ZNF236: variants seen among roughly 807,000 people sequenced by gnomAD.
ZNF236 encodes regulated by glucose.
In ZNF236, 50 loss-of-function variants were observed where a neutral mutation model predicts 191.2. That is an observed-to-expected ratio of 0.26 (90% CI 0.21 to 0.33). The LOEUF is 0.33. Ranked by LOEUF, ZNF236 falls within the 10% of genes least tolerant of loss-of-function variation. The pLI is 1.00. For synonymous variants in ZNF236, 907 were observed against 928.8 expected, an observed-to-expected ratio of 0.98 and a Z score of 0.43; for missense variants, 1,754 against 2,374.5, an observed-to-expected ratio of 0.74 and a Z score of 5.43.
intron 21 of ZNF236, among the ~76,000 whole-genome samples, chr18:76,924,122 G>A (rs1444737642): frequency 4.6e-5 from 7 of 152,146 alleles, no homozygotes; most frequent in African/African-American, 1.7e-4. Flanking sequence ...TTGTTTATAT[G>A]ACTGTCCTGT....
At chr18:76,896,583 CAA>C (rs1162291262) in intron 10 of ZNF236, among the ~76,000 whole-genome samples, 1 of 151,604 alleles carries the variant, frequency 6.6e-6, no homozygotes. Flanking sequence ...GTACTGCACA[CAA>C]GTACTGCACA....
chr18:76,968,059 C>T (rs1488597014), intron 30 of ZNF236, among the ~76,000 whole-genome samples, 156 bp from the exon 31 acceptor site: 1 of 152,198 alleles, frequency 6.6e-6, no homozygotes, highest in East Asian at 1.9e-4. Context: ...AGGTGTTTCA[C>T]CTGCAGCTCA....
At chr18:76,920,523 C>G (rs561315429) in intron 20 of ZNF236, among the ~76,000 whole-genome samples, 29 of 148,062 alleles carry the variant, frequency 2.0e-4, no homozygotes, top group African/African-American at 7.3e-4. Context: ...TGCACTCCAG[C>G]CTGGGCAACA....
rs561409276 is a variant in ZNF236, at chr18:76,895,158, C to T, written c.1563C>T (p.Phe521=). Residue 521 remains phenylalanine (F), a synonymous_variant, in exon 10 of 31, where the codon TTC becomes TTT. Transcript: ENST00000320610. ...PFKCPQCFRA[F]AVKSTLTAHI... ...AGTGCCCGCAGTGCTTCCGCGCCTT[C>T]GCCGTGAAGAGCACGCTGACAGCGC... The T allele has an allele frequency of 9.9e-6, 16 of 1,608,428 alleles. No individual in the cohort carries two copies. Among genetic ancestry groups the T allele is most frequent in the South Asian group, 4.4e-5 (4 of 91,086 alleles).
intron 5 of ZNF236, among the ~76,000 whole-genome samples, chr18:76,873,979 C>T (rs1392009879): frequency 6.8e-6 from 1 of 147,202 alleles, no homozygotes; most frequent in African/African-American, 2.5e-5. Flanking sequence ...TGTCGCCACA[C>T]AGGCAGTGCT....
chr18:76,913,956 A>T (rs1419422490), intron 18 of ZNF236, 58 bp downstream of exon 18: 1 of 1,568,006 alleles, frequency 6.4e-7, no homozygotes, highest in Non-Finnish European at 8.8e-7. Flanking sequence ...CTTTATTGAG[A>T]TATAATCCAT....
intron 3 of ZNF236, among the ~76,000 whole-genome samples, chr18:76,863,716 C>A (rs1005110051): frequency 3.3e-5 from 5 of 151,988 alleles, no homozygotes; most frequent in Non-Finnish European, 7.4e-5. Context: ...TGTGAGCAAC[C>A]ATGCCTGGCT....
chr18:76,862,030 G>GT (rs1385104346), intron 3 of ZNF236, among the ~76,000 whole-genome samples: 2 of 151,994 alleles, frequency 1.3e-5, no homozygotes, highest in Non-Finnish European at 2.9e-5. Context: ...CGCCCGGCTA[G>GT]TTTTTTGTAT....
At chr18:76,859,353 G>C (rs140548721) in intron 3 of ZNF236, among the ~76,000 whole-genome samples, 3 of 152,216 alleles carry the variant, frequency 2.0e-5, no homozygotes, top group African/African-American at 7.2e-5. Flanking sequence ...TCCTCAGACT[G>C]TGCTTTCTTA....
At chr18:76,834,813 G>A (rs1287197407) in intron 1 of ZNF236, 2 of 472,466 alleles carry the variant, frequency 4.2e-6, no homozygotes, top group Non-Finnish European at 8.4e-6. Flanking sequence ...ATCTTCCTGC[G>A]AATGTGGGAA....
At position 76,954,932 on chromosome 18, in the gene ZNF236, A is replaced by C. The variant is rs1968486943; in HGVS notation, c.4915-1053A>C. 3.9e-5 allele frequency among the ~76,000 whole-genome samples: 6 copies of C among 152,278 alleles called. No individual in the cohort carries two copies. The South Asian group carries it at 1.0e-3, about 26-fold the overall frequency. ...ATTAATAATATAGCACCCTGTATAA[A>C]TCTTTTTTGTTGTTTAAGTATTTTT... On this transcript the variant is annotated intron_variant, in intron 27 of 30. Coordinates refer to ENST00000320610, the MANE Select transcript of ZNF236 (RefSeq NM_001306089.2).
intron 9 of ZNF236, among the ~76,000 whole-genome samples, chr18:76,894,428 A>C (rs1206819750): frequency 6.6e-6 from 1 of 152,118 alleles, no homozygotes; most frequent in African/African-American, 2.4e-5. Context: ...TACTTACTAT[A>C]TTTCCATCAA....
chr18:76,830,523 CTTA>C (rs1273894692), intron 1 of ZNF236, among the ~76,000 whole-genome samples: 1 of 152,102 alleles, frequency 6.6e-6, no homozygotes, highest in Non-Finnish European at 1.5e-5. Context: ...CTCGGTAGCA[CTTA>C]TTATTGCCTC....
At chr18:76,916,002 C>A in intron 19 of ZNF236, 143 bp downstream of exon 19, 1 of 736,490 alleles carries the variant, frequency 1.4e-6, no homozygotes, top group Admixed American at 3.2e-5. Context: ...ATTTTATTTT[C>A]TGATTATGAA....
intron 1 of ZNF236, chr18:76,834,896 G>T (rs777716826): frequency 2.4e-5 from 7 of 291,960 alleles, no homozygotes; most frequent in Non-Finnish European, 3.5e-5. Flanking sequence ...CATTTGGGCT[G>T]CTCCCGCTTC....
At chr18:76,935,582 T>C (rs1967967957) in intron 25 of ZNF236, among the ~76,000 whole-genome samples, 1 of 152,224 alleles carries the variant, frequency 6.6e-6, no homozygotes, top group African/African-American at 2.4e-5. Flanking sequence ...GGCTTCGCCT[T>C]GGCTCTAAGT....
rs1968915736 is a variant in ZNF236 at position 76,972,142 on chromosome 18, C to T, written c.*3803C>T. ...AAATTTCAAAAGCGCCTACACGCAC[C>T]ACCCAATTTAATGTCGTATCTGTAC... On this transcript the variant is annotated 3_prime_UTR_variant, in exon 31 of 31. Coordinates refer to ENST00000320610, the MANE Select transcript of ZNF236 (RefSeq NM_001306089.2). Among the ~76,000 whole-genome samples the T allele has an allele frequency of 6.6e-6, 1 of 152,198 alleles. No homozygotes were observed. Among genetic ancestry groups the T allele is most frequent in the Non-Finnish European group, 1.5e-5 (1 of 68,032 alleles).
At chr18:76,924,250 G>A (rs781149482) in intron 21 of ZNF236, among the ~76,000 whole-genome samples, 1 of 152,210 alleles carries the variant, frequency 6.6e-6, no homozygotes, top group Non-Finnish European at 1.5e-5. Flanking sequence ...CCCAGGCCTA[G>A]GGCACGGCCT....
At chr18:76,869,960 A>AAAAAT (rs1189850213) in intron 4 of ZNF236, among the ~76,000 whole-genome samples, 2 of 152,256 alleles carry the variant, frequency 1.3e-5, no homozygotes, top group South Asian at 2.1e-4. Context: ...TGTCTCCAAA[A>AAAAAT]AAAATAAAAT....
Sources: allele counts gnomAD v4.1 joint callset (sites outside exome capture counted in the v4.1 genomes callset), GRCh38; gene constraint gnomAD v4.1.1; transcripts MANE v1.5; gene names NCBI Gene and HGNC (gene_info 2026-07-23, HGNC 2026-07-21).